Variants in WWOX observed in about 807,000 individuals in gnomAD.
WWOX encodes the protein WW domain-containing oxidoreductase.
Under a neutral mutation model 46.2 loss-of-function variants are expected in WWOX, and 69 were observed. That is an observed-to-expected ratio of 1.49 (90% CI 1.23 to 1.82). The LOEUF is 1.82. WWOX is among the 40% of genes most tolerant of loss of function. The pLI is 0.00. For missense variants in WWOX, 919 were observed against 542.6 expected (o/e 1.69, Z -6.89); for synonymous variants, 359 against 202.6 (o/e 1.77, Z -6.56).
intron 8 of WWOX, among the ~76,000 whole-genome samples, chr16:79,124,990 G>C (rs548448300): frequency 2.6e-5 from 4 of 151,212 alleles, no homozygotes; most frequent in Admixed American, 1.3e-4. Context: ...ATTCATTTCT[G>C]TTACACAGCT....
intron 8 of WWOX, among the ~76,000 whole-genome samples, chr16:78,776,051 G>A (rs1221198070): frequency 1.3e-5 from 2 of 152,156 alleles, no homozygotes; most frequent in African/African-American, 4.8e-5. Flanking sequence ...AAACCTATAG[G>A]AGTATAACAC....
chr16:78,599,680 G>T (rs2045575187), intron 8 of WWOX, among the ~76,000 whole-genome samples: 1 of 152,182 alleles, frequency 6.6e-6, no homozygotes, highest in African/African-American at 2.4e-5. Flanking sequence ...GAGACAGGTT[G>T]GACCAAGGGA....
intron 8 of WWOX, among the ~76,000 whole-genome samples, chr16:78,859,425 A>G (rs1231632394): frequency 6.6e-6 from 1 of 152,170 alleles, no homozygotes; most frequent in Admixed American, 6.5e-5. Flanking sequence ...ACCAGGAAGA[A>G]CTGGGTCTAC....
rs555128287 is a variant in WWOX, at chr16:78,976,785, T to A, written c.1057-234823T>A. ...ACTACCGTTTAAAATACTTTTTCCA[T>A]GAGGCAGATCTTAGTGCTGACAGTG... On this transcript the variant is annotated intron_variant, in intron 8 of 8. Coordinates refer to ENST00000566780, the MANE Select transcript of WWOX (RefSeq NM_016373.4). Among the ~76,000 whole-genome samples the A allele has an allele frequency of 1.7e-4, 26 of 152,310 alleles. No homozygotes were observed. The South Asian group carries it at 5.4e-3, about 32-fold the overall frequency.
At chr16:78,679,046 C>T (rs1023381269) in intron 8 of WWOX, among the ~76,000 whole-genome samples, 2 of 152,170 alleles carry the variant, frequency 1.3e-5, no homozygotes, top group Non-Finnish European at 2.9e-5. Context: ...AATTGCCAAG[C>T]CTGTTTCTAG....
intron 8 of WWOX, among the ~76,000 whole-genome samples, chr16:78,988,926 C>T (rs2046832259): frequency 6.6e-6 from 1 of 152,154 alleles, no homozygotes; most frequent in African/African-American, 2.4e-5. Flanking sequence ...TGCTTCTTTT[C>T]AGCTTTGTTG....
At chr16:78,565,902 G>GC (rs1217620080) in intron 8 of WWOX, among the ~76,000 whole-genome samples, 1 of 103,916 alleles carries the variant, frequency 9.6e-6, no homozygotes, top group South Asian at 3.0e-4. Flanking sequence ...TTCATCCCCC[G>GC]CCCCCCGCCC....
At chr16:78,518,014 C>T (rs904361043) in intron 8 of WWOX, among the ~76,000 whole-genome samples, 2 of 151,708 alleles carry the variant, frequency 1.3e-5, no homozygotes, top group Admixed American at 6.6e-5. Flanking sequence ...GTTTGTATTC[C>T]AGCCCCCACC....
intron 8 of WWOX, among the ~76,000 whole-genome samples, chr16:78,567,446 C>G: frequency 6.8e-6 from 1 of 147,008 alleles, no homozygotes; most frequent in South Asian, 2.2e-4. Flanking sequence ...CCAGCTACTC[C>G]GGAGGCTGAG....
chr16:78,619,102 C>A (rs1218868053), intron 8 of WWOX, among the ~76,000 whole-genome samples: 1 of 118,738 alleles, frequency 8.4e-6, no homozygotes, highest in Non-Finnish European at 1.7e-5. Flanking sequence ...TTGAAACCAG[C>A]CTGGCCAACG....
chr16:78,915,610 A>C (rs2045230789), intron 8 of WWOX, among the ~76,000 whole-genome samples: 1 of 152,208 alleles, frequency 6.6e-6, no homozygotes, highest in East Asian at 1.9e-4. Context: ...TATTAGCAAA[A>C]TAACAGACAG....
At chr16:78,260,312 C>T (rs1336623162) in intron 5 of WWOX, among the ~76,000 whole-genome samples, 2 of 151,534 alleles carry the variant, frequency 1.3e-5, no homozygotes, top group African/African-American at 4.9e-5. Flanking sequence ...AACAAGTTCC[C>T]ACAAAGACCC....
intron 8 of WWOX, among the ~76,000 whole-genome samples, chr16:78,809,312 GAAAAA>G (rs371661365): frequency 4.1e-5 from 3 of 73,900 alleles, no homozygotes; most frequent in Non-Finnish European, 9.1e-5. Context: ...TAGAGATCTT[GAAAAA>G]AAAAAAAAAA....
chr16:78,402,043 G>A (rs968983596), intron 6 of WWOX, among the ~76,000 whole-genome samples: 15 of 152,092 alleles, frequency 9.9e-5, no homozygotes, highest in Admixed American at 9.8e-4. Flanking sequence ...TTTTTATTAC[G>A]TTCACAAAGT....
intron 8 of WWOX, among the ~76,000 whole-genome samples, chr16:78,902,727 T>C (rs979221200): frequency 1.3e-5 from 2 of 152,216 alleles, no homozygotes; most frequent in African/African-American, 4.8e-5. Context: ...CCAGGTCTTT[T>C]GTTGGTGGAA....
At chr16:78,851,923 G>T (rs568389901) in intron 8 of WWOX, among the ~76,000 whole-genome samples, 1 of 152,074 alleles carries the variant, frequency 6.6e-6, no homozygotes, top group Non-Finnish European at 1.5e-5. Flanking sequence ...CCCATCTTCA[G>T]CATCATTGCT....
intron 5 of WWOX, among the ~76,000 whole-genome samples, chr16:78,351,171 A>G (rs917761227): frequency 3.9e-5 from 6 of 152,204 alleles, no homozygotes; most frequent in Non-Finnish European, 8.8e-5. Context: ...TTAGGCACAT[A>G]CCAAGAGCTT....
chr16:78,327,198 G>C lies in WWOX; in HGVS notation c.517-59662G>C, dbSNP rs143797842. ...GTGGCAGCGATGGGACCAAATTATA[G>C]GCCAGGTCTGTCTTATGAAAGATGA... On this transcript the variant is annotated intron_variant, in intron 5 of 8. Transcript: ENST00000566780. Among the ~76,000 whole-genome samples the C allele has an allele frequency of 1.4e-3, 206 of 152,242 alleles. 4 individuals are homozygous for C. The East Asian group carries it at 0.029, about 22-fold the overall frequency.
rs577604050 is a variant in WWOX at position 78,725,350 on chromosome 16, T to C, written c.1056+292598T>C. The stretch of plus-strand genomic sequence containing the variant: ...TTTTCTTTTCTTTTCTTTTCTTTTT[T>C]TTTTTTTTTTTTTTGAGATGGAGTT... On this transcript the variant is annotated intron_variant, in intron 8 of 8. Transcript: ENST00000566780. Among the ~76,000 whole-genome samples, 108 of 137,260 alleles carry C rather than the reference T, an allele frequency of 7.9e-4. 2 individuals carry two copies. In the South Asian group the frequency reaches 0.025, roughly 32 times the overall value. The allele number at this position is 137,260 out of a possible 152,430, so 90.0% of individuals were successfully genotyped here.
Sources: allele counts gnomAD v4.1 joint callset (sites outside exome capture counted in the v4.1 genomes callset), GRCh38; gene constraint gnomAD v4.1.1; transcripts MANE v1.5; gene names NCBI Gene and HGNC (gene_info 2026-07-23, HGNC 2026-07-21).